Variants in OLFM2 observed in about 807,000 individuals in gnomAD.
The protein encoded by OLFM2 is olfactomedin 2.
A neutral mutation model predicts 43.9 loss-of-function variants in OLFM2; 20 were observed. The ratio of observed to expected loss-of-function variants is 0.46; its 90% CI spans 0.32 to 0.66. The LOEUF is 0.66. Among genes scored for constraint, OLFM2 ranks in the 30% least tolerant of loss-of-function variants. OLFM2 has a pLI of 0.04. For missense variants in OLFM2, 416 were observed against 643.6 expected, an observed-to-expected ratio of 0.65 and a Z score of 3.83; for synonymous variants, 268 against 278.6, an observed-to-expected ratio of 0.96 and a Z score of 0.38.
In OLFM2 at chr19:9,889,739, A is replaced by G. The variant is rs377355631; in HGVS notation, c.64-28945T>C. On this transcript the variant is annotated intron_variant, in intron 1 of 5. Transcript: ENST00000264833. ...GGTATGAATGCGTGTGTGTGCGCCA[A>G]TGCACTGGCGGATGGGAAATTGTGC... 1.8e-4 allele frequency among the ~76,000 whole-genome samples: 27 copies of G among 152,240 alleles called. No homozygotes were observed. In the South Asian group the frequency reaches 2.5e-3, roughly 14 times the overall value.
intron 1 of OLFM2, among the ~76,000 whole-genome samples, chr19:9,893,572 T>C (rs2046656274): frequency 6.6e-6 from 1 of 152,188 alleles, no homozygotes; most frequent in South Asian, 2.1e-4. Flanking sequence ...TCTCAGTACC[T>C]GGGTACACCC....
At chr19:9,921,040 G>C (rs2086416246) in intron 1 of OLFM2, among the ~76,000 whole-genome samples, 1 of 152,142 alleles carries the variant, frequency 6.6e-6, no homozygotes, top group South Asian at 2.1e-4. Context: ...CAAAGTACAT[G>C]TAACAACTCA....
chr19:9,888,261 G>C (rs1202058011), intron 1 of OLFM2, among the ~76,000 whole-genome samples: 1 of 152,124 alleles, frequency 6.6e-6, no homozygotes, highest in South Asian at 2.1e-4. Flanking sequence ...AGTGGCTCAT[G>C]TCTGTAATCC....
intron 1 of OLFM2, among the ~76,000 whole-genome samples, chr19:9,894,977 C>T (rs1202933977): frequency 6.6e-6 from 1 of 152,066 alleles, no homozygotes; most frequent in African/African-American, 2.4e-5. Flanking sequence ...AAGTGCACAG[C>T]CTTCCCTCCC....
In OLFM2 at chr19:9,854,825, G is replaced by A. The variant is rs749795014; in HGVS notation, c.726C>T (p.Val242=). ...YMDGYYKGRR[V]LEFRTLGDFI... ...AGTCTCCCAGGGTACGGAACTCCAG[G>A]ACCCGGCGGCCTTTGTAATAGCCAT... The change falls in exon 6 of 6, where the codon GTC becomes GTT. Residue 242 remains valine (V), a synonymous_variant. Coordinates refer to ENST00000264833, the MANE Select transcript of OLFM2 (RefSeq NM_058164.4). The surrounding 1 kb of genome is among the most constrained non-coding windows in gnomAD (Gnocchi z 9.5). The A allele has an allele frequency of 2.6e-5, 41 of 1,602,998 alleles. No individual in the cohort carries two copies. The highest frequency in any genetic ancestry group is 3.4e-5 in the Non-Finnish European group (40 of 1,172,742).
chr19:9,873,979 AG>A (rs2046464732), intron 1 of OLFM2, among the ~76,000 whole-genome samples: 1 of 151,920 alleles, frequency 6.6e-6, no homozygotes, highest in Non-Finnish European at 1.5e-5. Flanking sequence ...GAATTATTTT[AG>A]GTTTACAGAA....
At chr19:9,930,568 G>A (rs1013664256) in intron 1 of OLFM2, among the ~76,000 whole-genome samples, 13 of 151,556 alleles carry the variant, frequency 8.6e-5, no homozygotes, top group Admixed American at 3.9e-4. Context: ...AAATAGGCCC[G>A]GCACCGTGGC....
At chr19:9,861,241 G>A (rs561542919) in intron 1 of OLFM2, among the ~76,000 whole-genome samples, 6 of 125,244 alleles carry the variant, frequency 4.8e-5, no homozygotes, top group African/African-American at 1.2e-4. Flanking sequence ...GTTGTTGTTT[G>A]TTTTTGAGAC....
chr19:9,919,844 G>A (rs540026960), intron 1 of OLFM2, among the ~76,000 whole-genome samples: 19 of 145,322 alleles, frequency 1.3e-4, no homozygotes, highest in Non-Finnish European at 2.2e-4. Flanking sequence ...ACCCAGGTTG[G>A]AGTGCAGTGG....
chr19:9,931,126 C>T (rs2086479594), intron 1 of OLFM2, among the ~76,000 whole-genome samples: 5 of 152,278 alleles, frequency 3.3e-5, no homozygotes, highest in Middle Eastern at 6.8e-3. Context: ...TTTAAATTTC[C>T]TTTTACTTCC....
At chr19:9,889,724 C>T (rs1020468771) in intron 1 of OLFM2, among the ~76,000 whole-genome samples, 4 of 152,030 alleles carry the variant, frequency 2.6e-5, no homozygotes, top group South Asian at 4.1e-4. Context: ...GGTATGAATG[C>T]GTGTGTGTGC....
intron 1 of OLFM2, among the ~76,000 whole-genome samples, chr19:9,895,036 C>A (rs907061760): frequency 2.0e-5 from 3 of 152,170 alleles, no homozygotes; most frequent in African/African-American, 7.2e-5. Flanking sequence ...TCCATCCTCC[C>A]CACCCCCGGG....
chr19:9,890,342 T>C (rs951847141), intron 1 of OLFM2, among the ~76,000 whole-genome samples: 1 of 151,958 alleles, frequency 6.6e-6, no homozygotes, highest in Non-Finnish European at 1.5e-5. Context: ...ATCCCCCTGA[T>C]GTATCTGAAG....
chr19:9,855,787 C>T (rs1217063684), intron 5 of OLFM2, among the ~76,000 whole-genome samples: 4 of 152,140 alleles, frequency 2.6e-5, no homozygotes, highest in African/African-American at 9.7e-5. Context: ...CTGCCTGCCT[C>T]GGCCTCCTAA....
rs2046650472 is a variant in OLFM2 at position 9,892,822 on chromosome 19, G to A, written c.64-32028C>T. Among the ~76,000 whole-genome samples, 8 of 152,212 alleles carry A rather than the reference G, an allele frequency of 5.3e-5. No homozygotes were observed. In the South Asian group the frequency reaches 1.7e-3, roughly 32 times the overall value. Reference sequence around the variant, plus strand: ...TGACGCGGCTCAACAAGTAGGGAGAGCAAACCTGTTCTCCCACAACTTCTC... The same window carrying A: ...TGACGCGGCTCAACAAGTAGGGAGAACAAACCTGTTCTCCCACAACTTCTC... On this transcript the variant is annotated intron_variant, in intron 1 of 5. Coordinates refer to ENST00000264833, the MANE Select transcript of OLFM2 (RefSeq NM_058164.4).
Position 9,857,299 on chromosome 19 carries a change from G to A in OLFM2, c.544C>T (p.Leu182=), listed in dbSNP as rs1481373713. The A allele has an allele frequency of 2.5e-6, 4 of 1,614,004 alleles. No homozygotes were observed. Among genetic ancestry groups the A allele is most frequent in the Non-Finnish European group, 3.4e-6 (4 of 1,180,032 alleles). ...YEDLQQRVMA[L]EARLHACAQK... ...GCGCAGGCGTGGAGCCGGGCCTCCA[G>A]GGCCATCACCCGTTGCTGCAGGTCC... is the stretch of plus-strand genomic sequence containing the variant. The change falls in exon 4 of 6, where the codon CTG becomes TTG. Residue 182 remains leucine, a synonymous_variant. Coordinates refer to ENST00000264833, the MANE Select transcript of OLFM2 (RefSeq NM_058164.4). This position sits in a 1 kb window ranked among gnomAD's most constrained non-coding sequence, Gnocchi z 5.7.
intron 1 of OLFM2, among the ~76,000 whole-genome samples, chr19:9,909,630 C>T (rs1053133507): frequency 1.3e-5 from 2 of 152,174 alleles, no homozygotes; most frequent in African/African-American, 4.8e-5. Flanking sequence ...TCCAACCTTC[C>T]GCCTCCTGAC....
chr19:9,921,477 TTG>T, intron 1 of OLFM2, among the ~76,000 whole-genome samples: 1 of 150,742 alleles, frequency 6.6e-6, no homozygotes, highest in Admixed American at 6.6e-5. Context: ...AAAAAATTAT[TTG>T]AACTACATTA....
Position 9,920,969 on chromosome 19 carries a change from A to G in OLFM2, c.63+15335T>C, listed in dbSNP as rs182974125. Reference sequence around the variant, plus strand: ...GTGGTAAAAAACTCGTAACTGTTGGAAAAATATCAATAATTGCTGAGATTT... The same window carrying G: ...GTGGTAAAAAACTCGTAACTGTTGGGAAAATATCAATAATTGCTGAGATTT... On this transcript the variant is annotated intron_variant, in intron 1 of 5. Coordinates refer to ENST00000264833, the MANE Select transcript of OLFM2 (RefSeq NM_058164.4). Among the ~76,000 whole-genome samples the G allele has an allele frequency of 2.0e-5, 3 of 152,244 alleles. No individual in the cohort carries two copies. In the East Asian group the frequency reaches 5.8e-4, roughly 29 times the overall value.
Sources: gnomAD v4.1 joint callset for allele counts (sites outside exome capture counted in the v4.1 genomes callset) on GRCh38, gnomAD v4.1.1 for gene constraint, Gnocchi (gnomAD v3.1) non-coding constraint, MANE v1.5 for transcripts, NCBI Gene and HGNC (gene_info 2026-07-23, HGNC 2026-07-21) for gene names.